SCD5: variants seen among roughly 807,000 people sequenced by gnomAD.
The protein encoded by SCD5 is stearoyl-CoA desaturase 5.
SCD5 carries 20 observed loss-of-function variants against 30.4 expected under a neutral mutation model. The observed-to-expected ratio is 0.66, with a 90% CI of 0.46 to 0.96. SCD5 has a LOEUF of 0.96. SCD5 is among the 40% of genes least tolerant of loss of function. SCD5 has a pLI of 0.00. For synonymous variants in SCD5, 173 were observed against 176.4 expected, an observed-to-expected ratio of 0.98 and a Z score of 0.16; for missense variants, 381 against 443.3, an observed-to-expected ratio of 0.86 and a Z score of 1.26.
rs922400288 is a variant in SCD5 at position 82,631,151 on chromosome 4, T to C, written c.*176A>G. 2.1e-5 allele frequency: 11 copies of C among 512,522 alleles called. No individual in the cohort carries two copies. The highest frequency in any genetic ancestry group is 7.4e-5 in the Admixed American group (2 of 26,940). 31.7% of individuals were successfully genotyped at this position (512,522 alleles called of 1,614,324 possible). A position where few individuals can be genotyped will look rare whatever the true frequency, so the allele number is the denominator to read the frequency against. On this transcript the variant is annotated 3_prime_UTR_variant, in exon 5 of 5. Transcript: ENST00000319540. ...AAAAAAAAAAACGAAAGTTTTTTCA[T>C]TGATAATTGTATTTCAACATTATTT...
intron 1 of SCD5, among the ~76,000 whole-genome samples, chr4:82,792,906 A>G (rs375392921): frequency 1.3e-5 from 2 of 152,218 alleles, no homozygotes; most frequent in African/African-American, 2.4e-5. Flanking sequence ...TCATGGTCAC[A>G]GTGCCGTCTG....
chr4:82,775,932 C>G (rs771823828), intron 1 of SCD5: 9 of 152,322 alleles, frequency 5.9e-5, no homozygotes, highest in African/African-American at 2.2e-4. Flanking sequence ...GCATCTTCGA[C>G]GCCTATGTGC....
intron 2 of SCD5, among the ~76,000 whole-genome samples, chr4:82,693,345 C>T (rs915257841): frequency 1.3e-5 from 2 of 152,190 alleles, no homozygotes; most frequent in African/African-American, 4.8e-5. Context: ...CCCTAATTAT[C>T]CCTCACCAAT....
At chr4:82,772,655 C>T (rs934239935) in intron 1 of SCD5, among the ~76,000 whole-genome samples, 13 of 152,158 alleles carry the variant, frequency 8.5e-5, no homozygotes, top group Non-Finnish European at 1.5e-5. Context: ...CTGGCCTGGG[C>T]TTTCTCACAT....
In SCD5 at chr4:82,647,900, A is replaced by C. The variant is rs529720362; in HGVS notation, c.570-11077T>G. Among the ~76,000 whole-genome samples the C allele has an allele frequency of 4.6e-5, 7 of 151,944 alleles. No individual in the cohort carries two copies. The South Asian group carries it at 1.5e-3, about 31-fold the overall frequency. ...ATAAATACATAAATTGTATATGGAA[A>C]TCATTACTCATTTTTTTTGCCCTCT... On this transcript the variant is annotated intron_variant, in intron 3 of 4. Coordinates refer to ENST00000319540, the MANE Select transcript of SCD5 (RefSeq NM_001037582.3).
intron 3 of SCD5, among the ~76,000 whole-genome samples, chr4:82,676,665 G>A (rs1314922558): frequency 1.3e-5 from 2 of 152,188 alleles, no homozygotes; most frequent in Non-Finnish European, 2.9e-5. Context: ...CCAGGGCCTG[G>A]CCCAGAAGTC....
intron 3 of SCD5, among the ~76,000 whole-genome samples, chr4:82,656,088 C>G (rs1475566285): frequency 6.6e-6 from 1 of 151,946 alleles, no homozygotes; most frequent in African/African-American, 2.4e-5. Flanking sequence ...GATAAGACTA[C>G]TTATATATTT....
chr4:82,747,043 C>A (rs1455132411), intron 1 of SCD5, among the ~76,000 whole-genome samples: 1 of 142,666 alleles, frequency 7.0e-6, no homozygotes, highest in South Asian at 2.4e-4. Flanking sequence ...GGTTGGGGGG[C>A]AGTTAGAGAA....
chr4:82,665,027 TACAC>T (rs36067892), intron 3 of SCD5, among the ~76,000 whole-genome samples: 1 of 32,804 alleles, frequency 3.0e-5, no homozygotes, highest in Non-Finnish European at 6.5e-5. Flanking sequence ...ATATGTATAA[TACAC>T]ACACACACAC....
chr4:82,705,101 G>A (rs1468075525), intron 2 of SCD5, among the ~76,000 whole-genome samples, 182 bp downstream of exon 2: 2 of 152,240 alleles, frequency 1.3e-5, no homozygotes, highest in Non-Finnish European at 2.9e-5. Context: ...AACCCCCCCA[G>A]GGGACATTTT....
rs1266871082 is a variant in SCD5, at chr4:82,629,586, C to A, written c.*1741G>T. 1.3e-5 allele frequency: 2 copies of A among 152,218 alleles called. No homozygotes were observed. Among genetic ancestry groups the A allele is most frequent in the African/African-American group, 4.8e-5 (2 of 41,458 alleles). 9.4% of individuals were successfully genotyped at this position (152,218 alleles called of 1,614,324 possible). A position where few individuals can be genotyped will look rare whatever the true frequency, so the allele number is the denominator to read the frequency against. On this transcript the variant is annotated 3_prime_UTR_variant, in exon 5 of 5. Coordinates refer to ENST00000319540, the MANE Select transcript of SCD5 (RefSeq NM_001037582.3). ...AAATCACTCACAGTTTACACATTACCAGTGGCAAAATAACACTGTTAAACA... is the reference window on the plus strand; with the variant it reads ...AAATCACTCACAGTTTACACATTACAAGTGGCAAAATAACACTGTTAAACA...
intron 3 of SCD5, chr4:82,660,405 T>C: frequency 1.2e-6 from 1 of 812,182 alleles, no homozygotes; most frequent in Non-Finnish European, 1.5e-6. Flanking sequence ...CTGGAAATGA[T>C]AGCTTAAACT....
chr4:82,757,768 A>G (rs541180369), intron 1 of SCD5, among the ~76,000 whole-genome samples: 1 of 152,362 alleles, frequency 6.6e-6, no homozygotes, highest in South Asian at 2.1e-4. Flanking sequence ...AATGAACAAA[A>G]TAACATATGG....
Position 82,776,630 on chromosome 4 carries a change from C to T in SCD5, c.232+21676G>A, listed in dbSNP as rs138488938. 2.9e-4 allele frequency among the ~76,000 whole-genome samples: 44 copies of T among 152,264 alleles called. No individual in the cohort carries two copies. In the East Asian group the frequency reaches 7.7e-3, roughly 27 times the overall value. On this transcript the variant is annotated intron_variant, in intron 1 of 4. Transcript: ENST00000319540. ...CCTGTGGTGAGCCAGCCTCTTCCAA[C>T]GAGCATCTGTCTCTGGTGCATTTCT...
At chr4:82,634,398 C>T (rs1727380019) in intron 4 of SCD5, among the ~76,000 whole-genome samples, 1 of 152,154 alleles carries the variant, frequency 6.6e-6, no homozygotes, top group East Asian at 1.9e-4. Context: ...TAAAGGATTT[C>T]GCTCTATAAC....
intron 3 of SCD5, among the ~76,000 whole-genome samples, chr4:82,673,619 C>T (rs1728373940): frequency 6.6e-6 from 1 of 152,124 alleles, no homozygotes; most frequent in African/African-American, 2.4e-5. Flanking sequence ...CAATCAAAAT[C>T]CCAGCAAGTT....
intron 1 of SCD5, among the ~76,000 whole-genome samples, chr4:82,792,171 C>A (rs1266348832): frequency 6.6e-6 from 1 of 152,036 alleles, no homozygotes; most frequent in Non-Finnish European, 1.5e-5. Flanking sequence ...GCAGGAGAAT[C>A]GCTTGAACCC....
chr4:82,782,789 C>T (rs1218827296), intron 1 of SCD5, among the ~76,000 whole-genome samples: 1 of 152,230 alleles, frequency 6.6e-6, no homozygotes, highest in Non-Finnish European at 1.5e-5. Context: ...GCACTTTACA[C>T]CAACGTGTGG....
chr4:82,654,939 T>C (rs910558878), intron 3 of SCD5, among the ~76,000 whole-genome samples: 1 of 152,204 alleles, frequency 6.6e-6, no homozygotes, highest in African/African-American at 2.4e-5. Flanking sequence ...TACTGAGATA[T>C]ATAAAAGAAG....
Sources: gnomAD v4.1 joint callset for allele counts (sites outside exome capture counted in the v4.1 genomes callset) on GRCh38, gnomAD v4.1.1 for gene constraint, MANE v1.5 for transcripts, NCBI Gene and HGNC (gene_info 2026-07-23, HGNC 2026-07-21) for gene names.